Variants in HDAC9 observed in about 807,000 individuals in gnomAD.
HDAC9 encodes MEF-2 interacting transcription repressor (MITR) protein.
In HDAC9, 41 loss-of-function variants were observed where a neutral mutation model predicts 139.4. That is an observed-to-expected ratio of 0.29 (90% confidence interval 0.23 to 0.38). The LOEUF (loss-of-function observed/expected upper bound fraction) is 0.38. Ranked by LOEUF, HDAC9 falls within the 10% of genes least tolerant of loss-of-function variation. The probability of loss-of-function intolerance (pLI) is 1.00; values close to 1 mark genes in which losing one functional copy is unlikely to be tolerated. For synonymous variants in HDAC9, 517 were observed against 476.2 expected, an observed-to-expected ratio of 1.09 and a Z score of -1.12; for missense variants, 1,147 against 1,297.0, an observed-to-expected ratio of 0.88 and a Z score of 1.78.
intron 22 of HDAC9, among the ~76,000 whole-genome samples, chr7:18,906,385 T>C (rs2129285771): frequency 6.6e-6 from 1 of 152,310 alleles, no homozygotes; most frequent in Non-Finnish European, 1.5e-5. Context: ...CCTCAGGTGA[T>C]CCACCTGCCT....
At chr7:18,624,074 A>G (rs1302844078) in intron 6 of HDAC9, among the ~76,000 whole-genome samples, 1 of 152,168 alleles carries the variant, frequency 6.6e-6, no homozygotes, top group Non-Finnish European at 1.5e-5. Context: ...AATTATGTAC[A>G]CAGTCACACA....
exon 2 of HDAC9, chr7:18,162,309 A>C: frequency 6.5e-7 from 1 of 1,535,180 alleles, no homozygotes; most frequent in Non-Finnish European, 8.7e-7. Context: ...TAGTCTTAGC[A>C]GTCCCTCTGA....
At chr7:18,716,685 G>T (rs1784724462) in intron 12 of HDAC9, among the ~76,000 whole-genome samples, 1 of 152,154 alleles carries the variant, frequency 6.6e-6, no homozygotes, top group African/African-American at 2.4e-5. Flanking sequence ...ACCCAATTGA[G>T]AAACAGTGTT....
At chr7:18,869,061 T>C (rs910345230) in intron 21 of HDAC9, among the ~76,000 whole-genome samples, 5 of 152,014 alleles carry the variant, frequency 3.3e-5, no homozygotes, top group African/African-American at 1.2e-4. Context: ...CTGAGTTCTG[T>C]GAAGCAGCTC....
chr7:18,437,962 C>T, intron 1 of HDAC9, among the ~76,000 whole-genome samples: 1 of 151,418 alleles, frequency 6.6e-6, no homozygotes, highest in Admixed American at 6.6e-5. Flanking sequence ...CACACACACA[C>T]AGACACACAC....
intron 1 of HDAC9, among the ~76,000 whole-genome samples, chr7:18,300,872 A>T (rs1798495568): frequency 6.6e-6 from 1 of 152,188 alleles, no homozygotes; most frequent in African/African-American, 2.4e-5. Context: ...ATTAAAGGTT[A>T]TGAAATGGCA....
chr7:18,718,256 G>T (rs895588639), intron 12 of HDAC9, among the ~76,000 whole-genome samples: 2 of 152,054 alleles, frequency 1.3e-5, no homozygotes, highest in Non-Finnish European at 2.9e-5. Flanking sequence ...TTTTGAGATG[G>T]AGTCGCGCTC....
chr7:18,873,137 TG>T (rs750249429), intron 21 of HDAC9, among the ~76,000 whole-genome samples: 26 of 152,252 alleles, frequency 1.7e-4, no homozygotes, highest in Non-Finnish European at 3.2e-4. Flanking sequence ...TTGTAATTAC[TG>T]GGATGGGGAA....
At chr7:18,094,459 G>A (rs942158157) in intron 1 of HDAC9, among the ~76,000 whole-genome samples, 4 of 142,140 alleles carry the variant, frequency 2.8e-5, no homozygotes, top group African/African-American at 1.1e-4. Flanking sequence ...TTTTTTTTTA[G>A]GTGCAGGGTC....
At chr7:18,495,701 T>C, upstream of HDAC9, 1 of 978,306 alleles carries the variant, frequency 1.0e-6, no homozygotes, top group Non-Finnish European at 1.2e-6. Flanking sequence ...TGCAAATGGA[T>C]TATCACTCGC....
intron 1 of HDAC9, among the ~76,000 whole-genome samples, chr7:18,447,283 ATTT>A (rs1792382620): frequency 6.6e-6 from 1 of 152,158 alleles, no homozygotes; most frequent in Admixed American, 6.5e-5. Flanking sequence ...TTCACACTTT[ATTT>A]TAATATATTT....
chr7:18,294,645 G>A lies in HDAC9; in HGVS notation c.-42+4130G>A, dbSNP rs558464166. On this transcript the variant is annotated intron_variant, in intron 1 of 3. Coordinates refer to the HDAC9 transcript ENST00000413509. ...ATCCAGATCGTGCTGGGCCTAGTAG[G>A]TCATGTTATGCAGCTGCATGTTGTG... Among the ~76,000 whole-genome samples the A allele has an allele frequency of 5.3e-5, 8 of 152,228 alleles. No individual in the cohort carries two copies. In the South Asian group the frequency reaches 1.7e-3, roughly 32 times the overall value.
At chr7:18,835,332 A>G in intron 19 of HDAC9, 135 bp from the exon 20 acceptor site, 2 of 992,720 alleles carry the variant, frequency 2.0e-6, no homozygotes, top group East Asian at 2.7e-5. Flanking sequence ...AGGGAGAAAG[A>G]AAAGAGGAAC....
At chr7:18,134,665 G>C (rs1785265883) in intron 1 of HDAC9, among the ~76,000 whole-genome samples, 1 of 152,116 alleles carries the variant, frequency 6.6e-6, no homozygotes, top group Non-Finnish European at 1.5e-5. Flanking sequence ...TCAGCTTTCT[G>C]TTTCTAGTTC....
At chr7:18,241,163 T>C (rs1794162605) in intron 2 of HDAC9, among the ~76,000 whole-genome samples, 1 of 152,228 alleles carries the variant, frequency 6.6e-6, no homozygotes, top group African/African-American at 2.4e-5. Context: ...ATACTTTCAC[T>C]TAAGTTACAC....
chr7:18,648,375 GCTT>G (rs987457154), intron 10 of HDAC9, 88 bp from the exon 11 acceptor site: 2 of 1,101,768 alleles, frequency 1.8e-6, no homozygotes, highest in East Asian at 2.4e-5. Flanking sequence ...GTTTTCTTTG[GCTT>G]CTTATCTTTT....
rs112571462 is a variant in HDAC9, at chr7:18,691,594, T to C, written c.1731+25118T>C. Among the ~76,000 whole-genome samples the C allele has an allele frequency of 2.0e-4, 31 of 152,186 alleles. 1 individual carries two copies. The highest frequency in any genetic ancestry group is 7.5e-4 in the African/African-American group (31 of 41,566). ...CACAGACCACCTGTAACATGAATGTTGACCTCCAATTGCTCTTTAACCAAA... is the reference window on the plus strand; with the variant it reads ...CACAGACCACCTGTAACATGAATGTCGACCTCCAATTGCTCTTTAACCAAA... On this transcript the variant is annotated intron_variant, in intron 12 of 25. Coordinates refer to ENST00000686413, the MANE Select transcript of HDAC9 (RefSeq NM_178425.4).
chr7:18,940,429 A>AT (rs1228233104), intron 23 of HDAC9, among the ~76,000 whole-genome samples: 2 of 152,082 alleles, frequency 1.3e-5, no homozygotes, highest in Admixed American at 6.6e-5. Context: ...CCAGAAGTCC[A>AT]TTTTTTTCTT....
chr7:18,997,949 G>A lies in HDAC9; in HGVS notation c.*1887G>A, dbSNP rs1035926333. 2 of 152,024 alleles carry A rather than the reference G, an allele frequency of 1.3e-5. No homozygotes were observed. Among genetic ancestry groups the A allele is most frequent in the African/African-American group, 4.8e-5 (2 of 41,388 alleles). 9.4% of individuals were successfully genotyped at this position (152,024 alleles called of 1,614,324 possible). A position where few individuals can be genotyped will look rare whatever the true frequency, so the allele number is the denominator to read the frequency against. On this transcript the variant is annotated 3_prime_UTR_variant, in exon 26 of 26. Transcript: ENST00000686413. ...ATTAGGTAAAAATTGCTTTCATTGC[G>A]TAAGGGCAAATTCAGTCTAGATTCA...
Sources: gnomAD v4.1 joint callset for allele counts (sites outside exome capture counted in the v4.1 genomes callset) on GRCh38, gnomAD v4.1.1 for gene constraint, MANE v1.5 for transcripts, NCBI Gene and HGNC (gene_info 2026-07-23, HGNC 2026-07-21) for gene names.